Variants in RAP1GAP observed in about 807,000 individuals in gnomAD.
RAP1GAP encodes the protein RAP1 GTPase activating protein.
A neutral mutation model predicts 87.2 loss-of-function variants in RAP1GAP; 35 were observed. The observed-to-expected ratio is 0.40, with a 90% CI of 0.31 to 0.53. The LOEUF (loss-of-function observed/expected upper bound fraction) is 0.53, where lower values mean the gene tolerates loss of function less well. RAP1GAP is among the 20% of genes least tolerant of loss of function. RAP1GAP has a pLI of 0.48. For synonymous variants in RAP1GAP, 375 were observed against 363.9 expected (o/e 1.03, Z -0.35); for missense variants, 734 against 898.9 (o/e 0.82, Z 2.35).
intron 21 of RAP1GAP, 32 bp downstream of exon 21, chr1:21,599,462 T>G: frequency 1.3e-6 from 2 of 1,594,122 alleles, no homozygotes; most frequent in African/African-American, 1.3e-5. Flanking sequence ...TCCAAGCTCC[T>G]GTGGGGCCCC....
chr1:21,639,221 G>A (rs1175536312), intron 2 of RAP1GAP, among the ~76,000 whole-genome samples: 1 of 152,238 alleles, frequency 6.6e-6, no homozygotes, highest in Non-Finnish European at 1.5e-5. Flanking sequence ...CCCCACCCCT[G>A]GCACTACCCC....
At position 21,618,612 on chromosome 1, in the gene RAP1GAP, C is replaced by T. The variant is rs563725774; in HGVS notation, c.66+413G>A. ...GACAGCAGCTTATGGAGCAGGAGCT[C>T]ATAAGTCTCCTAGGGCCTGAGTTGG... On this transcript the variant is annotated intron_variant, in intron 5 of 24. Transcript: ENST00000374765. Among the ~76,000 whole-genome samples the T allele has an allele frequency of 4.6e-5, 7 of 152,246 alleles. No homozygotes were observed. The East Asian group carries it at 1.4e-3, about 30-fold the overall frequency.
chr1:21,621,941 C>T (rs1201216027), intron 3 of RAP1GAP, among the ~76,000 whole-genome samples: 4 of 152,236 alleles, frequency 2.6e-5, no homozygotes, highest in Admixed American at 2.6e-4. Context: ...GAGCAGCAGA[C>T]GCCCTGACAC....
At chr1:21,660,364 C>T (rs1384178794) in intron 1 of RAP1GAP, among the ~76,000 whole-genome samples, 2 of 37,986 alleles carry the variant, frequency 5.3e-5, no homozygotes, top group Non-Finnish European at 1.1e-4. Flanking sequence ...GAGACAGTCT[C>T]GCTCTGTCAC....
At chr1:21,630,794 TA>T (rs2150599776) in intron 2 of RAP1GAP, among the ~76,000 whole-genome samples, 1 of 151,974 alleles carries the variant, frequency 6.6e-6, no homozygotes, top group South Asian at 2.1e-4. Context: ...TGGCCTCAAA[TA>T]AGCCTCCCAC....
chr1:21,629,271 G>T (rs974663734), intron 2 of RAP1GAP, among the ~76,000 whole-genome samples: 14 of 152,126 alleles, frequency 9.2e-5, no homozygotes, highest in Non-Finnish European at 1.6e-4. Context: ...GCCCAGTGGC[G>T]GCTGTTGCTT....
intron 2 of RAP1GAP, among the ~76,000 whole-genome samples, chr1:21,644,139 T>C (rs552653939): frequency 5.3e-5 from 8 of 152,282 alleles, no homozygotes; most frequent in Non-Finnish European, 1.0e-4. Flanking sequence ...TCTTGTCTCC[T>C]GAAGCTATAG....
Position 21,627,287 on chromosome 1 carries a change from C to T in RAP1GAP, c.-112-890G>A, listed in dbSNP as rs909710578. On this transcript the variant is annotated intron_variant, in intron 2 of 24. Coordinates refer to ENST00000374765, the MANE Select transcript of RAP1GAP (RefSeq NM_002885.4). ...GTCCCTCGAGGGTGACTCAGATGAT[C>T]GCTGGTGGCCTACAGCAGGCTTGAG... Among the ~76,000 whole-genome samples, 13 of 152,256 alleles carry T rather than the reference C, an allele frequency of 8.5e-5. No homozygotes were observed. In the South Asian group the frequency reaches 1.0e-3, roughly 12 times the overall value.
At chr1:21,642,403 A>G (rs991975741) in intron 2 of RAP1GAP, among the ~76,000 whole-genome samples, 1 of 152,052 alleles carries the variant, frequency 6.6e-6, no homozygotes, top group South Asian at 2.1e-4. Context: ...CCCCCCACCA[A>G]TCTTCCAGGT....
Position 21,620,160 on chromosome 1 carries a change from C to A in RAP1GAP, c.-18-110G>T, listed in dbSNP as rs1306130046. 14 of 1,164,774 alleles carry A rather than the reference C, an allele frequency of 1.2e-5. No homozygotes were observed. In the Admixed American group the frequency reaches 2.7e-4, roughly 23 times the overall value. The allele number at this position is 1,164,774 out of a possible 1,614,324, so 72.2% of individuals were successfully genotyped here. On this transcript the variant is annotated intron_variant, in intron 3 of 24. Transcript: ENST00000374765. The stretch of plus-strand genomic sequence containing the variant: ...CACCAGCTCTGATCAGTGACCGAGG[C>A]ACCTGTCTGAGTAGCAAGCGGGAGT...
At position 21,631,989 on chromosome 1, in the gene RAP1GAP, G is replaced by T. The variant is rs961091771; in HGVS notation, c.-112-5592C>A. ...CTAGGCCCAGCTCCGGCTCTGCTCTGTCTGGCCTGGACACCTGCACGCTGC... is the reference window on the plus strand; with the variant it reads ...CTAGGCCCAGCTCCGGCTCTGCTCTTTCTGGCCTGGACACCTGCACGCTGC... On this transcript the variant is annotated intron_variant, in intron 2 of 24. Coordinates refer to ENST00000374765, the MANE Select transcript of RAP1GAP (RefSeq NM_002885.4). Among the ~76,000 whole-genome samples, 10 of 152,198 alleles carry T rather than the reference G, an allele frequency of 6.6e-5. 1 individual carries two copies. Among genetic ancestry groups the T allele is most frequent in the Admixed American group, 5.9e-4 (9 of 15,290 alleles).
chr1:21,630,550 C>T (rs1040731600), intron 2 of RAP1GAP, among the ~76,000 whole-genome samples: 2 of 151,836 alleles, frequency 1.3e-5, no homozygotes, highest in Non-Finnish European at 2.9e-5. Flanking sequence ...ACCACTGCCC[C>T]TGACCTTTTG....
intron 16 of RAP1GAP, 28 bp downstream of exon 16, chr1:21,608,822 T>C: frequency 1.3e-6 from 2 of 1,591,290 alleles, no homozygotes; most frequent in South Asian, 1.1e-5. Context: ...GAGAAGAGGG[T>C]CACCCAGCCC....
In RAP1GAP at chr1:21,598,421, T is replaced by C; in HGVS notation, c.1858A>G (p.Thr620Ala). Residue 620 changes from threonine to alanine, a missense_variant, in exon 22 of 25, where the codon ACT becomes GCT. Transcript: ENST00000374765. ...GTACCTGGGGAGCTGCCCCCACTAG[T>C]GGTGCTGACACTGTCCTCCAGCCAC... is the stretch of plus-strand genomic sequence containing the variant. ...STWLEDSVST[T>A]SGGSSPGPSR... 6.2e-7 allele frequency: 1 copy of C among 1,613,844 alleles called. No individual in the cohort carries two copies. Among genetic ancestry groups the C allele is most frequent in the Non-Finnish European group, 8.5e-7 (1 of 1,179,776 alleles).
chr1:21,635,089 G>T (rs577911845), intron 2 of RAP1GAP, among the ~76,000 whole-genome samples: 1 of 152,204 alleles, frequency 6.6e-6, no homozygotes, highest in Non-Finnish European at 1.5e-5. Flanking sequence ...GATGGAGATG[G>T]TGACTTCCAA....
intron 1 of RAP1GAP, among the ~76,000 whole-genome samples, chr1:21,653,770 C>T (rs1285551776): frequency 6.6e-6 from 1 of 152,056 alleles, no homozygotes; most frequent in African/African-American, 2.4e-5. Context: ...GTGCACAGTG[C>T]TTGGGCTGGG....
chr1:21,667,302 C>T (rs886698247), intron 1 of RAP1GAP, among the ~76,000 whole-genome samples: 5 of 152,322 alleles, frequency 3.3e-5, no homozygotes, highest in Non-Finnish European at 5.9e-5. Context: ...TGGCAGAGAC[C>T]TCTCTCCCTG....
intron 2 of RAP1GAP, among the ~76,000 whole-genome samples, chr1:21,641,937 T>C (rs2095560331): frequency 1.3e-5 from 2 of 152,200 alleles, no homozygotes; most frequent in East Asian, 1.9e-4. Context: ...TCCTGCAGCA[T>C]GGGGTCAGAA....
Position 21,669,178 on chromosome 1 carries a change from T to C in RAP1GAP, c.-149+76A>G. The C allele has an allele frequency of 8.2e-7, 1 of 1,213,398 alleles. No homozygotes were observed. The highest frequency in any genetic ancestry group is 1.0e-6 in the Non-Finnish European group (1 of 958,166). The allele number at this position is 1,213,398 out of a possible 1,614,324, so 75.2% of individuals were successfully genotyped here. A position where few individuals can be genotyped will look rare whatever the true frequency, so the allele number is the denominator to read the frequency against. Reference sequence around the variant, plus strand: ...CCGCCCGCCCGCGCGGGGTCTTCGCTGCGAGCCGACGGGAGTCTGGACACC... The same window carrying C: ...CCGCCCGCCCGCGCGGGGTCTTCGCCGCGAGCCGACGGGAGTCTGGACACC... On this transcript the variant is annotated intron_variant, in intron 1 of 24. Coordinates refer to ENST00000374765, the MANE Select transcript of RAP1GAP (RefSeq NM_002885.4). The surrounding 1 kb of genome is among the most constrained non-coding windows in gnomAD (Gnocchi z 5.6).
Sources: allele counts gnomAD v4.1 joint callset (sites outside exome capture counted in the v4.1 genomes callset), GRCh38; gene constraint gnomAD v4.1.1; non-coding constraint Gnocchi (gnomAD v3.1); transcripts MANE v1.5; gene names NCBI Gene and HGNC (gene_info 2026-07-23, HGNC 2026-07-21).